SNTG2: variants seen among roughly 807,000 people sequenced by gnomAD.
The protein encoded by SNTG2 is syntrophin gamma 2, also known as gamma-2-syntrophin.
Under a neutral mutation model 70.9 loss-of-function variants are expected in SNTG2, and 74 were observed. The ratio of observed to expected loss-of-function variants is 1.04; its 90% CI spans 0.86 to 1.27. The LOEUF is 1.27. Ranked by LOEUF, SNTG2 falls within the 50% of genes most tolerant of loss-of-function variation. SNTG2 has a pLI of 0.00. For missense variants in SNTG2, 717 were observed against 690.7 expected (o/e 1.04, Z -0.43); for synonymous variants, 278 against 273.8 (o/e 1.02, Z -0.15).
chr2:1,297,480 G>A (rs1680265885), intron 14 of SNTG2, among the ~76,000 whole-genome samples: 1 of 151,962 alleles, frequency 6.6e-6, no homozygotes, highest in South Asian at 2.1e-4. Context: ...ACAACACAGG[G>A]GCTGCCCAGC....
chr2:1,038,169 T>G (rs186933091), intron 1 of SNTG2, among the ~76,000 whole-genome samples: 6 of 152,348 alleles, frequency 3.9e-5, no homozygotes, highest in African/African-American at 9.6e-5. Context: ...TGATCATCTT[T>G]ACAAATAAAA....
At chr2:1,253,793 T>C (rs966855203) in intron 12 of SNTG2, among the ~76,000 whole-genome samples, 6 of 152,098 alleles carry the variant, frequency 3.9e-5, no homozygotes, top group African/African-American at 1.4e-4. Flanking sequence ...TCAGGAAACT[T>C]ACAGTGTGGC....
chr2:1,029,587 A>G (rs1167071628), intron 1 of SNTG2, among the ~76,000 whole-genome samples: 1 of 152,198 alleles, frequency 6.6e-6, no homozygotes, highest in African/African-American at 2.4e-5. Flanking sequence ...TGAGTTCTCC[A>G]TAGTTCTGGC....
At chr2:1,255,443 G>T (rs1318170130) in intron 12 of SNTG2, among the ~76,000 whole-genome samples, 1 of 152,124 alleles carries the variant, frequency 6.6e-6, no homozygotes, top group Non-Finnish European at 1.5e-5. Context: ...GTCTGGTGCG[G>T]ACCTGAGACT....
At chr2:1,139,398 A>G (rs1304415797) in intron 6 of SNTG2, among the ~76,000 whole-genome samples, 2 of 152,058 alleles carry the variant, frequency 1.3e-5, no homozygotes, top group African/African-American at 4.8e-5. Flanking sequence ...TGCCTGGTTA[A>G]TTTTTGTAGT....
chr2:1,063,327 G>A (rs1481614743), intron 1 of SNTG2, among the ~76,000 whole-genome samples: 3 of 152,156 alleles, frequency 2.0e-5, no homozygotes, highest in Non-Finnish European at 4.4e-5. Context: ...TGAGTGGGGT[G>A]CACAGACTTC....
chr2:1,067,474 A>AT (rs965257226), intron 1 of SNTG2, among the ~76,000 whole-genome samples: 5 of 152,322 alleles, frequency 3.3e-5, no homozygotes, highest in South Asian at 2.1e-4. Context: ...TAAAATACAT[A>AT]TTTTTTTGTA....
At chr2:1,281,552 GGT>G (rs534964799) in intron 14 of SNTG2, among the ~76,000 whole-genome samples, 6,455 of 151,614 alleles carry the variant, frequency 0.043, 202 homozygotes, top group South Asian at 0.064. Flanking sequence ...GTGTGTATGT[GGT>G]GTGTGTGTGC....
intron 9 of SNTG2, among the ~76,000 whole-genome samples, chr2:1,229,638 G>C (rs1676053551): frequency 6.6e-6 from 1 of 152,216 alleles, no homozygotes; most frequent in Non-Finnish European, 1.5e-5. Flanking sequence ...ACTGGGCGCT[G>C]TGGAGCAGGG....
intron 4 of SNTG2, among the ~76,000 whole-genome samples, chr2:1,122,812 C>A (rs1667461007): frequency 6.6e-6 from 1 of 150,796 alleles, no homozygotes; most frequent in Non-Finnish European, 1.5e-5. Context: ...TTGTAAAAAC[C>A]CCAAAGATTC....
chr2:1,003,606 A>T (rs1394437948), intron 1 of SNTG2, among the ~76,000 whole-genome samples: 1 of 152,168 alleles, frequency 6.6e-6, no homozygotes, highest in Non-Finnish European at 1.5e-5. Flanking sequence ...CTTCTGTCTT[A>T]CCTTGGGTGC....
In SNTG2 at chr2:1,300,223, G is replaced by T. The variant is rs1330055307; in HGVS notation, c.1285-8271G>T. Among the ~76,000 whole-genome samples, 4 of 152,356 alleles carry T rather than the reference G, an allele frequency of 2.6e-5. No homozygotes were observed. The East Asian group carries it at 7.7e-4, about 29-fold the overall frequency. ...ACTGTTACCATCACCGCTCTGAAGG[G>T]TGTGCAAGAAGGGTGCTTTAAATGA... On this transcript the variant is annotated intron_variant, in intron 14 of 16. Transcript: ENST00000308624.
chr2:1,116,706 G>T (rs189521010), intron 4 of SNTG2, among the ~76,000 whole-genome samples: 1 of 149,060 alleles, frequency 6.7e-6, no homozygotes, highest in Non-Finnish European at 1.5e-5. Flanking sequence ...GGGTGCTCTG[G>T]TGTATGGGTG....
intron 4 of SNTG2, among the ~76,000 whole-genome samples, chr2:1,125,681 G>T (rs1160116912): frequency 2.0e-5 from 3 of 152,170 alleles, no homozygotes; most frequent in Non-Finnish European, 4.4e-5. Context: ...ATACATGTCA[G>T]CTGTTTTAAT....
chr2:1,028,995 G>A (rs1364094908), intron 1 of SNTG2, among the ~76,000 whole-genome samples: 1 of 152,160 alleles, frequency 6.6e-6, no homozygotes, highest in Non-Finnish European at 1.5e-5. Context: ...AAATGTGGAG[G>A]CATGCACCTT....
At chr2:1,352,952 C>T (rs865976155) in intron 16 of SNTG2, among the ~76,000 whole-genome samples, 1 of 152,166 alleles carries the variant, frequency 6.6e-6, no homozygotes, top group African/African-American at 2.4e-5. Flanking sequence ...TCAGCCACCT[C>T]ATTCAGTCAC....
chr2:1,234,403 T>G (rs1406276557), intron 9 of SNTG2, among the ~76,000 whole-genome samples: 1 of 152,258 alleles, frequency 6.6e-6, no homozygotes, highest in Non-Finnish European at 1.5e-5. Context: ...TACTTAATTT[T>G]TATTGCTTTC....
chr2:1,114,343 CAG>C (rs1248856261), intron 4 of SNTG2, among the ~76,000 whole-genome samples: 1 of 151,546 alleles, frequency 6.6e-6, no homozygotes, highest in Non-Finnish European at 1.5e-5. Flanking sequence ...TCAACACTTA[CAG>C]TCCTTTGAGG....
chr2:1,209,107 C>T lies in SNTG2; in HGVS notation c.596C>T (p.Pro199Leu). The change falls in exon 9 of 17, where the codon CCA becomes CTA. Residue 199 changes from proline to leucine, a missense_variant. By Grantham distance (98) the Pro-to-Leu change is moderately conservative (BLOSUM62 -3). Transcript: ENST00000308624. ...ATTCTCCTTTCTTCTGTACAGGCCC[C>T]ATCGTCACCTTCCTCGCCCATAGCT... Reference protein sequence around the residue: ...HLNGNSSTTAPSSPSSPIAKD... With the variant: ...HLNGNSSTTALSSPSSPIAKD... 1.2e-6 allele frequency: 2 copies of T among 1,613,982 alleles called. No individual in the cohort carries two copies. The highest frequency in any genetic ancestry group is 1.7e-6 in the Non-Finnish European group (2 of 1,179,900).
Sources: allele counts gnomAD v4.1 joint callset (sites outside exome capture counted in the v4.1 genomes callset), GRCh38; gene constraint gnomAD v4.1.1; transcripts MANE v1.5; gene names NCBI Gene and HGNC (gene_info 2026-07-23, HGNC 2026-07-21).